The following DPP6 variants were observed in gnomAD, a reference collection of about 807,000 sequenced individuals.
DPP6 encodes the protein dipeptidyl peptidase like 6.
A neutral mutation model predicts 122.6 loss-of-function variants in DPP6; 69 were observed. That is an observed-to-expected ratio of 0.56 (90% confidence interval 0.46 to 0.69). The LOEUF is 0.69. Ranked by LOEUF, DPP6 falls within the 30% of genes least tolerant of loss-of-function variation. The pLI, the probability that DPP6 is intolerant of heterozygous loss-of-function variation, is 0.00. For missense variants in DPP6, 928 were observed against 1,116.9 expected (o/e 0.83, Z 2.41); for synonymous variants, 418 against 433.1 (o/e 0.97, Z 0.43).
chr7:154,275,225 C>G (rs1030567707), intron 1 of DPP6, among the ~76,000 whole-genome samples: 2 of 152,238 alleles, frequency 1.3e-5, no homozygotes, highest in Non-Finnish European at 2.9e-5. Flanking sequence ...CCAGCAGCAG[C>G]TCTGAAGGAT....
At chr7:154,313,718 C>CAG (rs1563460588) in intron 1 of DPP6, among the ~76,000 whole-genome samples, 1 of 17,256 alleles carries the variant, frequency 5.8e-5, no homozygotes, top group African/African-American at 1.7e-4. Context: ...TATATATACA[C>CAG]ACACACGCAC....
Position 154,023,328 on chromosome 7 carries a change from A to G in DPP6, c.51+135594A>G, listed in dbSNP as rs796916767. On this transcript the variant is annotated intron_variant, in intron 1 of 25. Transcript: ENST00000404039. Reference sequence around the variant, plus strand: ...AAATGTTTCTTGTCTGCACACACACACACACACACACACACACACACACAC... The same window carrying G: ...AAATGTTTCTTGTCTGCACACACACGCACACACACACACACACACACACAC... Among the ~76,000 whole-genome samples, 1,422 of 146,522 alleles carry G rather than the reference A, an allele frequency of 9.7e-3. 44 individuals carry two copies. Among genetic ancestry groups the G allele is most frequent in the African/African-American group, 0.035 (1,331 of 38,248 alleles).
chr7:154,297,078 T>TTTG (rs1554511201), intron 1 of DPP6, among the ~76,000 whole-genome samples: 21 of 103,164 alleles, frequency 2.0e-4, no homozygotes, highest in South Asian at 5.2e-4. Flanking sequence ...TTTTTTTTTG[T>TTTG]TTTGTTTTTC....
chr7:153,823,441 G>T, the DPP6 span, among the ~76,000 whole-genome samples: 6 of 146,082 alleles, frequency 4.1e-5, 1 homozygote, highest in African/African-American at 1.5e-4. Context: ...TAAGCGGGGG[G>T]ATGAAGAGTT....
chr7:154,555,089 A>G (rs145532018), intron 4 of DPP6, among the ~76,000 whole-genome samples: 1,721 of 152,288 alleles, frequency 0.011, 21 homozygotes, highest in South Asian at 0.033. Context: ...AATTATAGCC[A>G]GGTATCAGGC....
At chr7:154,235,271 CGT>C (rs1801138314) in intron 1 of DPP6, among the ~76,000 whole-genome samples, 1 of 152,198 alleles carries the variant, frequency 6.6e-6, no homozygotes, top group African/African-American at 2.4e-5. Flanking sequence ...GGTATCATAT[CGT>C]GTGTGTTTTC....
chr7:154,540,867 G>C (rs949294174), intron 4 of DPP6, among the ~76,000 whole-genome samples: 2 of 152,088 alleles, frequency 1.3e-5, no homozygotes, highest in African/African-American at 2.4e-5. Flanking sequence ...AACAAGTGTT[G>C]CATATCATAT....
Position 154,486,756 on chromosome 7 carries a change from A to G in DPP6, c.457+11719A>G, listed in dbSNP as rs936612208. Among the ~76,000 whole-genome samples, 10 of 152,182 alleles carry G rather than the reference A, an allele frequency of 6.6e-5. No homozygotes were observed. The highest frequency in any genetic ancestry group is 1.3e-4 in the Non-Finnish European group (9 of 68,034). ...GCACTTCCTCCGTCTGAAAGCAGAG[A>G]GAGGTGTGTCTTGGGGCAGGGCAGC... On this transcript the variant is annotated intron_variant, in intron 3 of 25. Transcript: ENST00000377770. This position sits in a 1 kb window ranked among gnomAD's most constrained non-coding sequence, Gnocchi z 4.5.
Position 154,241,185 on chromosome 7 carries a change from A to ATGCGTGCATGTGTG in DPP6, c.243+188124_243+188125insCGTGCATGTGTGTG, listed in dbSNP as rs34454400. 7.3e-6 allele frequency among the ~76,000 whole-genome samples: 1 copy of ATGCGTGCATGTGTG among 136,212 alleles called. No homozygotes were observed. Among genetic ancestry groups the ATGCGTGCATGTGTG allele is most frequent in the African/African-American group, 2.8e-5 (1 of 35,690 alleles). 89.4% of individuals were successfully genotyped at this position (136,212 alleles called of 152,430 possible). On this transcript the variant is annotated intron_variant, in intron 1 of 25. Coordinates refer to ENST00000377770, the MANE Select transcript of DPP6 (RefSeq NM_130797.4). This position sits in a 1 kb window ranked among gnomAD's most constrained non-coding sequence, Gnocchi z 9.0. ...GCACAGTAGGTAATTCAATATCAAT[A>ATGCGTGCATGTGTG]TGTGTGTGTGTGTGTGTGTGTGTGT...
chr7:154,340,683 A>G (rs6464411), intron 1 of DPP6, among the ~76,000 whole-genome samples: 31,651 of 152,234 alleles, frequency 0.21, 6,844 homozygotes, highest in African/African-American at 0.55. Flanking sequence ...AGCAGCAATA[A>G]CTAACATGTG....
At chr7:154,449,784 G>T (rs2151295540) in intron 2 of DPP6, among the ~76,000 whole-genome samples, 1 of 152,022 alleles carries the variant, frequency 6.6e-6, no homozygotes, top group Non-Finnish European at 1.5e-5. Context: ...AAGGAGGGTG[G>T]ATCATGAGGT....
intron 1 of DPP6, among the ~76,000 whole-genome samples, chr7:154,432,531 G>A (rs575205535): frequency 4.1e-4 from 62 of 152,260 alleles, no homozygotes; most frequent in African/African-American, 1.4e-3. Context: ...TTTTCGGGGG[G>A]AAACACACAC....
chr7:153,784,918 A>T, the DPP6 span, among the ~76,000 whole-genome samples: 2 of 152,376 alleles, frequency 1.3e-5, no homozygotes, highest in Admixed American at 6.5e-5. Flanking sequence ...TAATTATTGC[A>T]AAATAACCTC....
At chr7:154,268,110 G>C (rs1055378612) in intron 1 of DPP6, among the ~76,000 whole-genome samples, 13 of 152,220 alleles carry the variant, frequency 8.5e-5, no homozygotes, top group Non-Finnish European at 1.6e-4. Context: ...TACCTTAACA[G>C]CTCCTAGGTC....
At chr7:154,599,544 G>A (rs894953447) in intron 5 of DPP6, among the ~76,000 whole-genome samples, 12 of 150,848 alleles carry the variant, frequency 8.0e-5, no homozygotes, top group African/African-American at 2.7e-4. Flanking sequence ...AAGTTCTAGG[G>A]TACATGTGCA....
chr7:154,162,735 G>A (rs1025409784), intron 1 of DPP6, among the ~76,000 whole-genome samples: 2 of 152,130 alleles, frequency 1.3e-5, no homozygotes, highest in Non-Finnish European at 2.9e-5. Context: ...AACACTGAGT[G>A]GAATTTAACA....
At chr7:154,834,399 C>A (rs973324114) in intron 16 of DPP6, among the ~76,000 whole-genome samples, 8 of 151,926 alleles carry the variant, frequency 5.3e-5, no homozygotes, top group African/African-American at 1.9e-4. Flanking sequence ...TCACTTGAAC[C>A]CAGGAGGCGG....
intron 1 of DPP6, among the ~76,000 whole-genome samples, chr7:153,930,071 T>C (rs1202337710): frequency 6.6e-6 from 1 of 152,208 alleles, no homozygotes; most frequent in African/African-American, 2.4e-5. Flanking sequence ...AAACTAGCTT[T>C]GGATAATTAT....
chr7:154,596,889 T>A (rs2130757621), intron 5 of DPP6, among the ~76,000 whole-genome samples: 1 of 119,102 alleles, frequency 8.4e-6, no homozygotes, highest in East Asian at 2.7e-4. Flanking sequence ...TTTGTTTTAT[T>A]TTAGGAAATT....
Sources: allele counts gnomAD v4.1 joint callset (sites outside exome capture counted in the v4.1 genomes callset), GRCh38; gene constraint gnomAD v4.1.1; non-coding constraint Gnocchi (gnomAD v3.1); transcripts MANE v1.5; gene names NCBI Gene and HGNC (gene_info 2026-07-23, HGNC 2026-07-21).